Variants in NT5C2 observed in about 807,000 individuals in gnomAD.
NT5C2 encodes the protein 5'-nucleotidase, cytosolic II, also known as cytosolic purine 5'-nucleotidase.
NT5C2 carries 58 observed loss-of-function variants against 76.1 expected under a neutral mutation model. The observed-to-expected ratio is 0.76, with a 90% CI of 0.62 to 0.95. NT5C2 has a LOEUF of 0.95. NT5C2 is among the 40% of genes least tolerant of loss of function. The pLI, the probability that NT5C2 is intolerant of heterozygous loss-of-function variation, is 0.00. For synonymous variants in NT5C2, 229 were observed against 237.4 expected (o/e 0.96, Z 0.32); for missense variants, 478 against 690.3 (o/e 0.69, Z 3.45).
At chr10:103,184,489 T>A (rs1202006348) in intron 1 of NT5C2, among the ~76,000 whole-genome samples, 4 of 152,182 alleles carry the variant, frequency 2.6e-5, no homozygotes, top group Non-Finnish European at 5.9e-5. Context: ...ATTTGACAGT[T>A]TGCATTCTGT....
At chr10:103,130,316 CG>C (rs1362990082) in intron 4 of NT5C2, among the ~76,000 whole-genome samples, 1 of 151,702 alleles carries the variant, frequency 6.6e-6, no homozygotes, top group African/African-American at 2.4e-5. Flanking sequence ...GGATTAAGGG[CG>C]GTGCAAGATG....
intron 18 of NT5C2, 104 bp downstream of exon 18, chr10:103,090,507 A>G (rs914631550): frequency 9.4e-7 from 1 of 1,058,246 alleles, no homozygotes; most frequent in African/African-American, 1.6e-5. Flanking sequence ...GGCTCTGTAC[A>G]TCAGAAAGAA....
At chr10:103,105,953 T>C (rs992966772) in intron 5 of NT5C2, 152 bp from the exon 6 acceptor site, 7 of 540,180 alleles carry the variant, frequency 1.3e-5, no homozygotes, top group Non-Finnish European at 2.0e-5. Flanking sequence ...GAGTAAAATC[T>C]TAAAAACTAA....
intron 4 of NT5C2, among the ~76,000 whole-genome samples, chr10:103,133,224 CCAT>C: frequency 6.6e-6 from 1 of 152,336 alleles, no homozygotes; most frequent in South Asian, 2.1e-4. Flanking sequence ...TCACCTTCCA[CCAT>C]GATTGTGGAG....
At chr10:103,113,774 C>G (rs2073647737) in intron 4 of NT5C2, among the ~76,000 whole-genome samples, 1 of 152,168 alleles carries the variant, frequency 6.6e-6, no homozygotes, top group East Asian at 1.9e-4. Context: ...GAGGACCAAT[C>G]AATCCAGCCC....
chr10:103,191,023 G>C (rs1418807653), intron 1 of NT5C2, among the ~76,000 whole-genome samples: 2 of 152,196 alleles, frequency 1.3e-5, no homozygotes, highest in Non-Finnish European at 2.9e-5. Context: ...GTCATAACAT[G>C]ACAAAGTTGT....
At chr10:103,138,792 AG>A (rs923643414) in intron 4 of NT5C2, among the ~76,000 whole-genome samples, 36 of 152,204 alleles carry the variant, frequency 2.4e-4, no homozygotes, top group African/African-American at 8.2e-4. Context: ...AGATCATCTG[AG>A]GTCAGGAGTT....
chr10:103,136,106 C>G (rs1004900359), intron 4 of NT5C2, among the ~76,000 whole-genome samples: 2 of 152,018 alleles, frequency 1.3e-5, no homozygotes, highest in African/African-American at 2.4e-5. Flanking sequence ...AACCCTCTTT[C>G]TTTTGTAAAT....
At chr10:103,150,327 T>C (rs2082189098) in intron 3 of NT5C2, among the ~76,000 whole-genome samples, 1 of 152,222 alleles carries the variant, frequency 6.6e-6, no homozygotes, top group African/African-American at 2.4e-5. Context: ...TACTTAGCAA[T>C]ACTTCTGAGA....
chr10:103,099,272 G>T (rs555168860), intron 9 of NT5C2, among the ~76,000 whole-genome samples: 1 of 152,206 alleles, frequency 6.6e-6, no homozygotes, highest in South Asian at 2.1e-4. Flanking sequence ...ACAGGGTTTT[G>T]TCATGTTGCC....
chr10:103,134,716 T>C (rs2078851727), intron 4 of NT5C2, among the ~76,000 whole-genome samples: 1 of 152,132 alleles, frequency 6.6e-6, no homozygotes, highest in African/African-American at 2.4e-5. Context: ...CACTGACAGC[T>C]TGCACCGTGC....
chr10:103,117,204 A>G (rs1396981433), intron 4 of NT5C2, among the ~76,000 whole-genome samples: 1 of 152,228 alleles, frequency 6.6e-6, no homozygotes, highest in African/African-American at 2.4e-5. Flanking sequence ...TCTCTCTCTA[A>G]AAGACAATTA....
At chr10:103,189,583 C>T (rs1342414820) in intron 1 of NT5C2, among the ~76,000 whole-genome samples, 2 of 144,410 alleles carry the variant, frequency 1.4e-5, no homozygotes, top group Non-Finnish European at 3.0e-5. Flanking sequence ...TACAGCCTGG[C>T]GACAGAGCGA....
chr10:103,138,296 T>G (rs1282117536), intron 4 of NT5C2, among the ~76,000 whole-genome samples: 1 of 152,214 alleles, frequency 6.6e-6, no homozygotes, highest in East Asian at 1.9e-4. Context: ...TGTTAAGTTC[T>G]GGGATACATA....
At chr10:103,129,287 C>A (rs1223926554) in intron 4 of NT5C2, among the ~76,000 whole-genome samples, 1 of 111,762 alleles carries the variant, frequency 8.9e-6, no homozygotes, top group Non-Finnish European at 2.0e-5. Context: ...CCGCCCCGTC[C>A]GGGAGGGAGG....
chr10:103,133,873 T>C (rs980531192), intron 4 of NT5C2, among the ~76,000 whole-genome samples: 1 of 152,046 alleles, frequency 6.6e-6, no homozygotes, highest in Non-Finnish European at 1.5e-5. Context: ...ATGAGGAACT[T>C]ATTGGGAGCT....
intron 3 of NT5C2, among the ~76,000 whole-genome samples, chr10:103,157,307 G>A (rs1401172257): frequency 6.6e-6 from 1 of 151,982 alleles, no homozygotes; most frequent in Non-Finnish European, 1.5e-5. Flanking sequence ...GGCAGGGTAA[G>A]GTAAGAAAGT....
chr10:103,123,307 G>A (rs575477101), intron 4 of NT5C2, among the ~76,000 whole-genome samples: 4 of 151,922 alleles, frequency 2.6e-5, no homozygotes, highest in South Asian at 2.1e-4. Context: ...TTTTTCCTAA[G>A]TTCCAGGGTA....
chr10:103,123,362 A>G (rs1345923844), intron 4 of NT5C2, among the ~76,000 whole-genome samples: 1 of 152,074 alleles, frequency 6.6e-6, no homozygotes, highest in East Asian at 1.9e-4. Context: ...AACATGTGCT[A>G]TGGTGGTTTG....
Sources: gnomAD v4.1 joint callset for allele counts (sites outside exome capture counted in the v4.1 genomes callset) on GRCh38, gnomAD v4.1.1 for gene constraint, MANE v1.5 for transcripts, NCBI Gene and HGNC (gene_info 2026-07-23, HGNC 2026-07-21) for gene names.